AAR2: variants seen among roughly 807,000 people sequenced by gnomAD.
AAR2 encodes the protein AAR2 splicing factor, also known as protein AAR2 homolog.
AAR2 carries 31 observed loss-of-function variants against 26.9 expected under a neutral mutation model. The observed-to-expected ratio is 1.15, with a 90% CI of 0.86 to 1.55. AAR2 has a LOEUF of 1.55. AAR2 is among the 40% of genes most tolerant of loss of function. The pLI is 0.00. For synonymous variants in AAR2, 188 were observed against 196.1 expected (o/e 0.96, Z 0.34); for missense variants, 430 against 491.3 (o/e 0.88, Z 1.18).
At chr20:36,242,907 G>A (rs2064698495) in intron 2 of AAR2, among the ~76,000 whole-genome samples, 1 of 147,642 alleles carries the variant, frequency 6.8e-6, no homozygotes, top group South Asian at 2.1e-4. Context: ...ACATGGGCTG[G>A]AGTACAGTGG....
intron 1 of AAR2, among the ~76,000 whole-genome samples, chr20:36,237,203 G>A (rs547559089): frequency 2.8e-4 from 42 of 152,338 alleles, no homozygotes; most frequent in South Asian, 1.7e-3. Context: ...GGGTTGCCAG[G>A]AGTCAGACCG....
Position 36,240,003 on chromosome 20 carries a change from C to T in AAR2, c.135C>T (p.Phe45=), listed in dbSNP as rs2064658753. Residue 45 remains phenylalanine (F), a synonymous_variant, in exon 2 of 4, where the codon TTC becomes TTT. Transcript: ENST00000320849. ...DYNSWEVGPK[F]RGVKMIPPGI... ...ACTCCTGGGAGGTCGGGCCCAAGTT[C>T]CGGGGCGTGAAGATGATCCCTCCAG... The T allele has an allele frequency of 6.2e-7, 1 of 1,614,200 alleles. No homozygotes were observed. The highest frequency in any genetic ancestry group is 1.3e-5 in the African/African-American group (1 of 75,048).
At chr20:36,242,854 G>GTTTTTT in intron 2 of AAR2, among the ~76,000 whole-genome samples, 1 of 121,020 alleles carries the variant, frequency 8.3e-6, no homozygotes, top group Non-Finnish European at 1.7e-5. Context: ...AACTTTGTTG[G>GTTTTTT]TTTTTTTTTT....
intron 3 of AAR2, among the ~76,000 whole-genome samples, 155 bp downstream of exon 3, chr20:36,245,081 A>G (rs371925897): frequency 2.0e-5 from 3 of 151,868 alleles, no homozygotes; most frequent in Admixed American, 6.5e-5. Flanking sequence ...CTCTTACTCA[A>G]TTGTAAGTGC....
chr20:36,248,270 G>A (rs541649274), intron 3 of AAR2, among the ~76,000 whole-genome samples: 62 of 151,854 alleles, frequency 4.1e-4, no homozygotes, highest in Middle Eastern at 3.5e-3. Context: ...CCTGACTCCC[G>A]CACTGAGTCA....
intron 3 of AAR2, among the ~76,000 whole-genome samples, chr20:36,249,256 A>G (rs1428329694): frequency 6.6e-6 from 1 of 152,172 alleles, no homozygotes; most frequent in African/African-American, 2.4e-5. Flanking sequence ...CTTGGATTTC[A>G]CTTGAATAAA....
chr20:36,241,213 T>C (rs2064677901), intron 2 of AAR2, among the ~76,000 whole-genome samples: 1 of 152,222 alleles, frequency 6.6e-6, no homozygotes, highest in African/African-American at 2.4e-5. Flanking sequence ...TATATTTACG[T>C]TCCTTTTTTT....
At chr20:36,241,968 C>T (rs1337886448) in intron 2 of AAR2, among the ~76,000 whole-genome samples, 2 of 152,012 alleles carry the variant, frequency 1.3e-5, no homozygotes, top group African/African-American at 2.4e-5. Flanking sequence ...AGGCCTCTTC[C>T]AATTGGATAG....
chr20:36,240,361 C>T lies in AAR2; in HGVS notation c.493C>T (p.Leu165Phe). 2 of 1,614,232 alleles carry T rather than the reference C, an allele frequency of 1.2e-6. No homozygotes were observed. Among genetic ancestry groups the T allele is most frequent in the South Asian group, 1.1e-5 (1 of 91,078 alleles). ...ICAFSDVLPVLSMKHTKDRVG... is the reference protein window; with the variant it reads ...ICAFSDVLPVFSMKHTKDRVG... The stretch of plus-strand genomic sequence containing the variant: ...TGCCTTTTCCGATGTGCTACCTGTG[C>T]TCTCCATGAAGCACACCAAGGACCG... The change falls in exon 2 of 4, where the codon CTC (leucine) becomes TTC (phenylalanine). Residue 165 changes from leucine to phenylalanine, a missense_variant. By Grantham distance (22) the Leu-to-Phe change is conservative. Transcript: ENST00000320849.
At chr20:36,255,180 C>T (rs923484831) in intron 3 of AAR2, among the ~76,000 whole-genome samples, 1 of 152,218 alleles carries the variant, frequency 6.6e-6, no homozygotes. Flanking sequence ...GCAATTCAGT[C>T]GTGTTGGCTT....
chr20:36,246,861 A>G (rs1026767832), intron 3 of AAR2, among the ~76,000 whole-genome samples: 3 of 152,202 alleles, frequency 2.0e-5, no homozygotes, highest in Admixed American at 6.5e-5. Context: ...GCATGTGCCA[A>G]AACAAAACAA....
At position 36,244,602 on chromosome 20, in the gene AAR2, G is replaced by C. The variant is rs928542035; in HGVS notation, c.758-95G>C. ...AGGATAAAAGCTCATCTGTTGCTGA[G>C]GTCCAGTGGAATTCATGGCCTTGTG... On this transcript the variant is annotated intron_variant, in intron 2 of 3. Coordinates refer to ENST00000320849, the MANE Select transcript of AAR2 (RefSeq NM_001271874.2). The C allele has an allele frequency of 1.5e-5, 18 of 1,198,096 alleles. No homozygotes were observed. In the African/African-American group the frequency reaches 2.7e-4, roughly 18 times the overall value. 74.2% of individuals were successfully genotyped at this position (1,198,096 alleles called of 1,614,324 possible). A position where few individuals can be genotyped will look rare whatever the true frequency, so the allele number is the denominator to read the frequency against.
intron 3 of AAR2, among the ~76,000 whole-genome samples, chr20:36,248,701 T>C (rs2064758095): frequency 6.6e-6 from 1 of 152,052 alleles, no homozygotes; most frequent in African/African-American, 2.4e-5. Flanking sequence ...GTAAATATCA[T>C]AGGTATAAAC....
At chr20:36,241,705 C>A (rs928175991) in intron 2 of AAR2, among the ~76,000 whole-genome samples, 1 of 152,176 alleles carries the variant, frequency 6.6e-6, no homozygotes, top group Non-Finnish European at 1.5e-5. Context: ...ATCACTTGAA[C>A]CCAGGAGGCA....
In AAR2 at chr20:36,236,497, C is replaced by A. The variant is rs1027458486; in HGVS notation, c.-55C>A. ...GTTTCCGCTGTACCGGAACGTGGGG[C>A]GAGGCGGTGAGTGTGGCCTCCTGGC... is the stretch of plus-strand genomic sequence containing the variant. On this transcript the variant is annotated 5_prime_UTR_variant, in exon 1 of 4. Transcript: ENST00000320849. 6.6e-6 allele frequency: 1 copy of A among 152,252 alleles called. No individual in the cohort carries two copies. The highest frequency in any genetic ancestry group is 2.4e-5 in the African/African-American group (1 of 41,454). The allele number at this position is 152,252 out of a possible 1,614,324, so 9.4% of individuals were successfully genotyped here. A position where few individuals can be genotyped will look rare whatever the true frequency, so the allele number is the denominator to read the frequency against.
At chr20:36,239,180 T>C (rs2147284797) in intron 1 of AAR2, among the ~76,000 whole-genome samples, 1 of 152,252 alleles carries the variant, frequency 6.6e-6, no homozygotes, top group South Asian at 2.1e-4. Context: ...CTTTGGGAAG[T>C]TGTTTCACTC....
intron 2 of AAR2, among the ~76,000 whole-genome samples, chr20:36,243,059 C>T (rs1276866801): frequency 1.3e-5 from 2 of 152,002 alleles, no homozygotes; most frequent in Non-Finnish European, 2.9e-5. Flanking sequence ...CCCTGTGTTG[C>T]CCAAGCTTGT....
intron 3 of AAR2, among the ~76,000 whole-genome samples, chr20:36,250,478 C>T (rs887907180): frequency 2.0e-5 from 3 of 152,130 alleles, no homozygotes; most frequent in Non-Finnish European, 2.9e-5. Context: ...TAAAATTAAT[C>T]TGAAAATAAA....
In AAR2 at chr20:36,256,705, C is replaced by T. The variant is rs953319800; in HGVS notation, c.*960C>T. The T allele has an allele frequency of 2.0e-5, 3 of 152,542 alleles. No individual in the cohort carries two copies. The highest frequency in any genetic ancestry group is 6.5e-5 in the Admixed American group (1 of 15,280). The allele number at this position is 152,542 out of a possible 1,614,324, so 9.4% of individuals were successfully genotyped here. On this transcript the variant is annotated 3_prime_UTR_variant, in exon 4 of 4. Transcript: ENST00000320849. ...AGCTCCTGGTTCCTCGGGAGTCCTT[C>T]GTGCTGTGTGGCAGGGTTCCTCTCT...
Sources: allele counts gnomAD v4.1 joint callset (sites outside exome capture counted in the v4.1 genomes callset), GRCh38; gene constraint gnomAD v4.1.1; transcripts MANE v1.5; gene names NCBI Gene and HGNC (gene_info 2026-07-23, HGNC 2026-07-21).